FHL5: variants seen among roughly 807,000 people sequenced by gnomAD.
FHL5 encodes four and a half LIM domains protein 5.
Under a neutral mutation model 32.0 loss-of-function variants are expected in FHL5, and 33 were observed. That is an observed-to-expected ratio of 1.03 (90% CI 0.78 to 1.38). The LOEUF (loss-of-function observed/expected upper bound fraction) is 1.38, where lower values mean the gene tolerates loss of function less well. Among genes scored for constraint, FHL5 ranks in the 40% most tolerant of loss-of-function variants. FHL5 has a pLI of 0.00. For synonymous variants in FHL5, 114 were observed against 113.6 expected, an observed-to-expected ratio of 1.00 and a Z score of -0.02; for missense variants, 336 against 343.9, an observed-to-expected ratio of 0.98 and a Z score of 0.18.
At chr6:96,610,454 T>C (rs1771374572) in intron 4 of FHL5, 118 bp from the exon 5 acceptor site, 1 of 739,690 alleles carries the variant, frequency 1.4e-6, no homozygotes, top group Non-Finnish European at 2.3e-6. Context: ...GAAATGATCT[T>C]TTTTTTTTCT....
chr6:96,588,713 A>G (rs1271430478), intron 1 of FHL5, among the ~76,000 whole-genome samples: 1 of 152,082 alleles, frequency 6.6e-6, no homozygotes, highest in African/African-American at 2.4e-5. Flanking sequence ...AGCTAATGGA[A>G]AAACAGTCTC....
At chr6:96,602,426 CTTTTTTTTTTTTTTTTTTTTTTT>C (rs1168636713) in intron 1 of FHL5, among the ~76,000 whole-genome samples, 4 of 33,684 alleles carry the variant, frequency 1.2e-4, no homozygotes, top group African/African-American at 1.7e-4. Flanking sequence ...TGCGTTGTTT[CTTTTTTTTTTTTTTTTTTTTTTT>C]TTTTTTTTTT....
intron 1 of FHL5, among the ~76,000 whole-genome samples, chr6:96,598,936 G>A (rs1771091943): frequency 6.6e-6 from 1 of 152,134 alleles, no homozygotes; most frequent in South Asian, 2.1e-4. Context: ...GCAAACAATA[G>A]TATATTAAAG....
At chr6:96,614,375 T>TG (rs1290508730) in intron 5 of FHL5, among the ~76,000 whole-genome samples, 2 of 152,210 alleles carry the variant, frequency 1.3e-5, no homozygotes, top group Admixed American at 6.5e-5. Context: ...GAAGTAATGT[T>TG]GATAGCATCA....
rs1771524891 is a variant in FHL5, at chr6:96,616,518, G to C, written c.*746G>C. 6.6e-6 allele frequency: 1 copy of C among 152,150 alleles called. No individual in the cohort carries two copies. The highest frequency in any genetic ancestry group is 2.4e-5 in the African/African-American group (1 of 41,444). 9.4% of individuals were successfully genotyped at this position (152,150 alleles called of 1,614,324 possible). A position where few individuals can be genotyped will look rare whatever the true frequency, so the allele number is the denominator to read the frequency against. On this transcript the variant is annotated 3_prime_UTR_variant, in exon 6 of 6. Coordinates refer to ENST00000450218, the MANE Select transcript of FHL5 (RefSeq NM_001322466.2). ...TAAATATATTTTCAAAGTCCACAGTGATTTTTCTAAACGCTTACAGATTCC... is the reference window on the plus strand; with the variant it reads ...TAAATATATTTTCAAAGTCCACAGTCATTTTTCTAAACGCTTACAGATTCC...
At position 96,610,626 on chromosome 6, in the gene FHL5, T is replaced by C. The variant is rs148917977; in HGVS notation, c.559T>C (p.Phe187Leu). Residue 187 changes from phenylalanine (F) to leucine (L), a missense_variant, in exon 5 of 6, where the codon TTT becomes CTT. By Grantham distance (22) the Phe-to-Leu change is conservative. Transcript: ENST00000450218. ...FCDQLWHKEC[F>L]LCSGCRKDLC... ...TGACCAGCTATGGCATAAAGAGTGT[T>C]TTCTGTGTAGTGGCTGTAGGAAAGA... 2 of 1,613,876 alleles carry C rather than the reference T, an allele frequency of 1.2e-6. No individual in the cohort carries two copies. The highest frequency in any genetic ancestry group is 2.7e-5 in the African/African-American group (2 of 74,890).
chr6:96,608,496 A>G (rs1771331422), intron 4 of FHL5, among the ~76,000 whole-genome samples: 1 of 152,204 alleles, frequency 6.6e-6, no homozygotes, highest in African/African-American at 2.4e-5. Context: ...TTTTCTTAAA[A>G]AAAGGAAAAA....
intron 2 of FHL5, 83 bp from the exon 3 acceptor site, chr6:96,604,667 C>T: frequency 9.3e-7 from 1 of 1,078,688 alleles, no homozygotes; most frequent in Non-Finnish European, 1.3e-6. Flanking sequence ...ACATGAGAGT[C>T]CCAGGAGTGT....
At chr6:96,595,260 T>C (rs1771012107) in intron 1 of FHL5, among the ~76,000 whole-genome samples, 2 of 151,948 alleles carry the variant, frequency 1.3e-5, no homozygotes, top group South Asian at 4.1e-4. Flanking sequence ...GTCTAGAGTT[T>C]ACTTATTTTC....
chr6:96,604,669 C>G, intron 2 of FHL5, 81 bp from the exon 3 acceptor site: 1 of 1,104,026 alleles, frequency 9.1e-7, no homozygotes. Context: ...ATGAGAGTCC[C>G]AGGAGTGTTC....
At chr6:96,602,626 A>T (rs545239356) in intron 1 of FHL5, among the ~76,000 whole-genome samples, 95 of 151,468 alleles carry the variant, frequency 6.3e-4, no homozygotes, top group Non-Finnish European at 1.0e-3. Context: ...CCAAATTTAC[A>T]AAACAATCAG....
At chr6:96,578,855 TAAATAAAAATA>T (rs1262553016) in intron 1 of FHL5, among the ~76,000 whole-genome samples, 2 of 152,042 alleles carry the variant, frequency 1.3e-5, no homozygotes, top group East Asian at 3.9e-4. Context: ...AAAAAATAAA[TAAATAAAAATA>T]AAATAAAAAT....
chr6:96,610,148 C>T (rs1043959831), intron 4 of FHL5, among the ~76,000 whole-genome samples: 5 of 152,048 alleles, frequency 3.3e-5, no homozygotes, highest in East Asian at 1.9e-4. Flanking sequence ...ATAGCTCTAA[C>T]GGCAGATCTT....
chr6:96,565,235 A>G (rs752697115), intron 1 of FHL5, among the ~76,000 whole-genome samples: 1 of 152,164 alleles, frequency 6.6e-6, no homozygotes, highest in Non-Finnish European at 1.5e-5. Context: ...AGAACATACT[A>G]GGATATGTCA....
At chr6:96,594,274 TG>T (rs1770990633) in intron 1 of FHL5, among the ~76,000 whole-genome samples, 2 of 122,496 alleles carry the variant, frequency 1.6e-5, no homozygotes, top group African/African-American at 3.1e-5. Context: ...TATATATATA[TG>T]TATGTATGTA....
At chr6:96,612,711 A>G (rs1771437796) in intron 5 of FHL5, among the ~76,000 whole-genome samples, 1 of 152,208 alleles carries the variant, frequency 6.6e-6, no homozygotes, top group African/African-American at 2.4e-5. Flanking sequence ...TAGACTCATC[A>G]GTCCACAGGA....
intron 1 of FHL5, among the ~76,000 whole-genome samples, chr6:96,602,983 C>T (rs762151060): frequency 2.0e-5 from 3 of 152,100 alleles, no homozygotes; most frequent in Non-Finnish European, 4.4e-5. Context: ...TAGCAGAAAA[C>T]AGAGATTTTG....
At chr6:96,571,279 C>T (rs1054121885) in intron 1 of FHL5, among the ~76,000 whole-genome samples, 1 of 152,164 alleles carries the variant, frequency 6.6e-6, no homozygotes, top group Non-Finnish European at 1.5e-5. Flanking sequence ...TCAGGAATAA[C>T]TGTGGGTGCC....
At chr6:96,603,856 C>A in intron 2 of FHL5, 84 bp downstream of exon 2, 2 of 1,028,836 alleles carry the variant, frequency 1.9e-6, no homozygotes, top group Non-Finnish European at 2.9e-6. Context: ...TTAGTGTTGA[C>A]TTTCAACACT....
Sources: allele counts gnomAD v4.1 joint callset (sites outside exome capture counted in the v4.1 genomes callset), GRCh38; gene constraint gnomAD v4.1.1; transcripts MANE v1.5; gene names NCBI Gene and HGNC (gene_info 2026-07-23, HGNC 2026-07-21).